Variants in ZBTB20 observed in about 807,000 individuals in gnomAD.
The protein encoded by ZBTB20 is zinc finger and BTB domain containing 20, also known as zinc finger and BTB domain-containing protein 20.
Under a neutral mutation model 56.9 loss-of-function variants are expected in ZBTB20, and 9 were observed. That is an observed-to-expected ratio of 0.16 (90% CI 0.10 to 0.28). ZBTB20 has a LOEUF of 0.28. Ranked by LOEUF, ZBTB20 falls within the 10% of genes least tolerant of loss-of-function variation. The probability of loss-of-function intolerance (pLI) is 1.00; values close to 1 mark genes in which losing one functional copy is unlikely to be tolerated. For synonymous variants in ZBTB20, 417 were observed against 420.7 expected, an observed-to-expected ratio of 0.99 and a Z score of 0.11; for missense variants, 655 against 1,003.0, an observed-to-expected ratio of 0.65 and a Z score of 4.69.
At chr3:115,001,849 T>C (rs1194492421) in intron 2 of ZBTB20, among the ~76,000 whole-genome samples, 2 of 151,334 alleles carry the variant, frequency 1.3e-5, no homozygotes, top group African/African-American at 4.8e-5. Context: ...TTCAACATAA[T>C]CCCAATCAAA....
intron 6 of ZBTB20, among the ~76,000 whole-genome samples, chr3:114,509,803 C>T (rs2045121995): frequency 6.6e-6 from 1 of 152,144 alleles, no homozygotes; most frequent in Admixed American, 6.6e-5. Context: ...TCAGCATATG[C>T]TCCAGGAGCC....
chr3:114,365,083 A>G (rs2082265177), intron 10 of ZBTB20, among the ~76,000 whole-genome samples: 1 of 152,126 alleles, frequency 6.6e-6, no homozygotes, highest in East Asian at 1.9e-4. Context: ...GCTCATTTTA[A>G]GTGTCTCTTT....
At chr3:114,640,180 A>T (rs1458190423) in intron 6 of ZBTB20, among the ~76,000 whole-genome samples, 1 of 151,950 alleles carries the variant, frequency 6.6e-6, no homozygotes, top group Non-Finnish European at 1.5e-5. Context: ...TTACTGGGGG[A>T]TATTGCATAG....
At chr3:114,730,987 A>ACCCTC (rs1483886018) in intron 5 of ZBTB20, among the ~76,000 whole-genome samples, 1 of 152,044 alleles carries the variant, frequency 6.6e-6, no homozygotes, top group East Asian at 1.9e-4. Flanking sequence ...ATTATTTTTT[A>ACCCTC]CCCTCCTATT....
chr3:114,829,574 T>C (rs1375804865), intron 4 of ZBTB20, among the ~76,000 whole-genome samples: 1 of 151,910 alleles, frequency 6.6e-6, no homozygotes, highest in East Asian at 1.9e-4. Context: ...TTTCTACTAT[T>C]TCCTGTTCTA....
At chr3:114,973,855 T>C (rs1201540534) in intron 3 of ZBTB20, among the ~76,000 whole-genome samples, 1 of 152,152 alleles carries the variant, frequency 6.6e-6, no homozygotes, top group Admixed American at 6.5e-5. Flanking sequence ...TATTGTAAAC[T>C]TCTTGCCTGA....
intron 6 of ZBTB20, among the ~76,000 whole-genome samples, chr3:114,591,129 AT>A (rs34555206): frequency 6.6e-6 from 1 of 152,072 alleles, no homozygotes. Context: ...TTCCTTGAGA[AT>A]TTTTTTCCAA....
rs534892494 is a variant in ZBTB20 at position 115,136,590 on chromosome 3, C to A, written c.-703+10629G>T. Among the ~76,000 whole-genome samples, 27 of 152,166 alleles carry A rather than the reference C, an allele frequency of 1.8e-4. 1 individual carries two copies. In the South Asian group the frequency reaches 5.6e-3, roughly 32 times the overall value. ...TCAAACTCACTTTACACCAGATGCA[C>A]CCATTTGTGCATTATAAAACTCATC... is the stretch of plus-strand genomic sequence containing the variant. On this transcript the variant is annotated intron_variant, in intron 1 of 11. Transcript: ENST00000675478.
Position 114,484,754 on chromosome 3 carries a change from T to C in ZBTB20, c.-255+15598A>G, listed in dbSNP as rs1559854254. Among the ~76,000 whole-genome samples, 3 of 152,032 alleles carry C rather than the reference T, an allele frequency of 2.0e-5. No individual in the cohort carries two copies. In the South Asian group the frequency reaches 6.2e-4, roughly 32 times the overall value. ...GCAGAGAGGCCCCATTATAGGCAGATTTGTAATGCATCTAATAGGCAGGAG... is the reference window on the plus strand; with the variant it reads ...GCAGAGAGGCCCCATTATAGGCAGACTTGTAATGCATCTAATAGGCAGGAG... On this transcript the variant is annotated intron_variant, in intron 7 of 11. Coordinates refer to ENST00000675478, the MANE Select transcript of ZBTB20 (RefSeq NM_001348800.3).
intron 7 of ZBTB20, among the ~76,000 whole-genome samples, chr3:114,470,727 C>T (rs1455408548): frequency 6.6e-6 from 1 of 152,098 alleles, no homozygotes; most frequent in Non-Finnish European, 1.5e-5. Context: ...GATATGACTC[C>T]AACGGCTCTG....
At chr3:115,142,654 T>TC (rs2084847252) in intron 1 of ZBTB20, among the ~76,000 whole-genome samples, 1 of 138,590 alleles carries the variant, frequency 7.2e-6, no homozygotes, top group Non-Finnish European at 1.5e-5. Context: ...AGAGCAAGAC[T>TC]CCATCAAAAA....
chr3:114,396,274 A>G (rs767355140), intron 7 of ZBTB20, among the ~76,000 whole-genome samples: 22 of 152,176 alleles, frequency 1.4e-4, no homozygotes, highest in Non-Finnish European at 1.0e-4. Flanking sequence ...TAACCATTAT[A>G]GTTTGTGGTA....
At chr3:114,877,721 C>T (rs919496854) in intron 4 of ZBTB20, among the ~76,000 whole-genome samples, 2 of 152,144 alleles carry the variant, frequency 1.3e-5, no homozygotes, top group Non-Finnish European at 2.9e-5. Context: ...CTATAACTGT[C>T]CACAAAAGTT....
rs530201813 is a variant in ZBTB20 at position 114,635,202 on chromosome 3, T to C, written c.-295+58326A>G. On this transcript the variant is annotated intron_variant, in intron 6 of 11. Transcript: ENST00000675478. ...TGCTCTGTATAATAAGAAAAAAACA[T>C]AGAACCGAGCCTTTTCCTTGAGAAG... 4.8e-4 allele frequency among the ~76,000 whole-genome samples: 73 copies of C among 152,236 alleles called. 4 individuals carry two copies. The South Asian group carries it at 0.012, about 25-fold the overall frequency.
At chr3:114,622,599 A>G (rs2058395205) in intron 6 of ZBTB20, among the ~76,000 whole-genome samples, 1 of 152,168 alleles carries the variant, frequency 6.6e-6, no homozygotes, top group African/African-American at 2.4e-5. Context: ...CTCTATAGGA[A>G]ACTTGGGCTA....
At chr3:114,488,091 A>G (rs2042335486) in intron 7 of ZBTB20, among the ~76,000 whole-genome samples, 1 of 152,190 alleles carries the variant, frequency 6.6e-6, no homozygotes, top group Admixed American at 6.5e-5. Context: ...TGCCAAATAA[A>G]CATAAATGTA....
At chr3:115,008,452 A>G (rs1443966232) in intron 2 of ZBTB20, among the ~76,000 whole-genome samples, 1 of 151,922 alleles carries the variant, frequency 6.6e-6, no homozygotes, top group Non-Finnish European at 1.5e-5. Context: ...TATTAGAAAA[A>G]TAACCATAAA....
intron 6 of ZBTB20, among the ~76,000 whole-genome samples, chr3:114,544,628 C>A (rs986449326): frequency 6.6e-6 from 1 of 151,584 alleles, no homozygotes; most frequent in South Asian, 2.1e-4. Context: ...ATCAGCCTGT[C>A]GAGTAACTGG....
At chr3:115,142,536 C>T (rs942475958) in intron 1 of ZBTB20, among the ~76,000 whole-genome samples, 88 of 151,864 alleles carry the variant, frequency 5.8e-4, no homozygotes, top group African/African-American at 1.9e-3. Flanking sequence ...TGGCTGTGCG[C>T]GCCTGTAGTC....
Sources: gnomAD v4.1 joint callset for allele counts (sites outside exome capture counted in the v4.1 genomes callset) on GRCh38, gnomAD v4.1.1 for gene constraint, MANE v1.5 for transcripts, NCBI Gene and HGNC (gene_info 2026-07-23, HGNC 2026-07-21) for gene names.